SLIT3: variants seen among roughly 807,000 people sequenced by gnomAD.
SLIT3 encodes slit homolog 3 protein.
In SLIT3, 68 loss-of-function variants were observed where a neutral mutation model predicts 184.0. The observed-to-expected ratio is 0.37, with a 90% CI of 0.30 to 0.45. The LOEUF is 0.45. SLIT3 is among the 20% of genes least tolerant of loss of function. SLIT3 has a pLI of 1.00. For missense variants in SLIT3, 1,707 were observed against 2,026.0 expected, an observed-to-expected ratio of 0.84 and a Z score of 3.02; for synonymous variants, 831 against 828.6, an observed-to-expected ratio of 1.00 and a Z score of -0.05.
chr5:168,796,880 C>G (rs1204568548), intron 9 of SLIT3, among the ~76,000 whole-genome samples: 2 of 152,042 alleles, frequency 1.3e-5, no homozygotes, highest in Non-Finnish European at 2.9e-5. Context: ...CAGGCCAACC[C>G]ATAACACAGA....
chr5:168,734,758 C>G (rs891424529), intron 20 of SLIT3, among the ~76,000 whole-genome samples: 5 of 152,136 alleles, frequency 3.3e-5, no homozygotes, highest in Non-Finnish European at 5.9e-5. Flanking sequence ...TTAATGTGGG[C>G]AGAATCATGT....
At chr5:169,145,315 G>A (rs1018049554) in intron 4 of SLIT3, among the ~76,000 whole-genome samples, 19 of 152,168 alleles carry the variant, frequency 1.2e-4, no homozygotes, top group African/African-American at 4.6e-4. Flanking sequence ...ATGCCCACTA[G>A]GTCTGCTGAG....
At chr5:168,915,034 C>T (rs1761388480) in intron 4 of SLIT3, among the ~76,000 whole-genome samples, 1 of 152,044 alleles carries the variant, frequency 6.6e-6, no homozygotes, top group Non-Finnish European at 1.5e-5. Flanking sequence ...AATGTGAAAG[C>T]AGGCAATACG....
At position 169,033,019 on chromosome 5, in the gene SLIT3, T is replaced by C. The variant is rs549441948; in HGVS notation, c.414-149683A>G. Among the ~76,000 whole-genome samples the C allele has an allele frequency of 3.1e-4, 45 of 142,986 alleles. 1 individual carries two copies. The highest frequency in any genetic ancestry group is 1.1e-3 in the African/African-American group (43 of 39,268). 93.8% of individuals were successfully genotyped at this position (142,986 alleles called of 152,430 possible). A position where few individuals can be genotyped will look rare whatever the true frequency, so the allele number is the denominator to read the frequency against. ...AAATATAGCACAGTTTTCTTACCCA[T>C]AGTCTTCCGGTTGTACATTAGGTCT... On this transcript the variant is annotated intron_variant, in intron 4 of 35. Coordinates refer to ENST00000519560, the MANE Select transcript of SLIT3 (RefSeq NM_003062.4).
chr5:168,760,217 G>T (rs1755098061), intron 16 of SLIT3, among the ~76,000 whole-genome samples: 1 of 152,230 alleles, frequency 6.6e-6, no homozygotes, highest in African/African-American at 2.4e-5. Context: ...CTCAGGACAA[G>T]GACTCTACTG....
chr5:169,222,375 A>T (rs1440759155), intron 3 of SLIT3, among the ~76,000 whole-genome samples: 2 of 152,194 alleles, frequency 1.3e-5, no homozygotes, highest in Non-Finnish European at 2.9e-5. Flanking sequence ...GAAAATAATG[A>T]CTCAGAAGTC....
intron 4 of SLIT3, among the ~76,000 whole-genome samples, chr5:169,157,376 A>T (rs1762345474): frequency 6.6e-6 from 1 of 152,186 alleles, no homozygotes. Context: ...GCCATGTGGG[A>T]AACAGTAATA....
intron 15 of SLIT3, among the ~76,000 whole-genome samples, chr5:168,761,921 A>AATTTT (rs1554139194): frequency 2.7e-5 from 3 of 110,472 alleles, no homozygotes; most frequent in African/African-American, 7.2e-5. Context: ...AAAAAAAAAA[A>AATTTT]TTTTTTTTTT....
At chr5:168,876,619 T>C (rs1158687777) in intron 5 of SLIT3, among the ~76,000 whole-genome samples, 1 of 152,250 alleles carries the variant, frequency 6.6e-6, no homozygotes, top group East Asian at 1.9e-4. Flanking sequence ...CTATGCATCC[T>C]TCAAGACCCA....
chr5:169,217,442 G>C (rs946501711), intron 3 of SLIT3, among the ~76,000 whole-genome samples: 1 of 152,168 alleles, frequency 6.6e-6, no homozygotes, highest in Non-Finnish European at 1.5e-5. Context: ...GAGGGATTGG[G>C]ACCCCAGTGT....
At chr5:168,935,977 A>G (rs1248129369) in intron 4 of SLIT3, among the ~76,000 whole-genome samples, 1 of 152,250 alleles carries the variant, frequency 6.6e-6, no homozygotes, top group Non-Finnish European at 1.5e-5. Flanking sequence ...GCAAATTTCA[A>G]ACAATGCAAC....
rs1159988527 is a variant in SLIT3, at chr5:169,092,309, C to T, written c.413+101170G>A. Among the ~76,000 whole-genome samples the T allele has an allele frequency of 2.0e-5, 3 of 152,180 alleles. No homozygotes were observed. In the East Asian group the frequency reaches 5.8e-4, roughly 29 times the overall value. ...TGAAGGAGAGGAGCTGTGGCCATTG[C>T]TAGGGACCAAGGATGGTGAGTAAAT... On this transcript the variant is annotated intron_variant, in intron 4 of 35. Coordinates refer to ENST00000519560, the MANE Select transcript of SLIT3 (RefSeq NM_003062.4).
intron 15 of SLIT3, among the ~76,000 whole-genome samples, chr5:168,762,185 A>G (rs1212573083): frequency 6.6e-6 from 1 of 151,940 alleles, no homozygotes; most frequent in African/African-American, 2.4e-5. Flanking sequence ...TCACTTCACT[A>G]CCATTCTTCA....
chr5:168,964,193 T>C (rs1395979217), intron 4 of SLIT3, among the ~76,000 whole-genome samples: 1 of 152,262 alleles, frequency 6.6e-6, no homozygotes, highest in African/African-American at 2.4e-5. Flanking sequence ...AAAACACTTC[T>C]GTAGCACAAT....
chr5:169,024,969 T>G (rs1756756555), intron 4 of SLIT3: 1 of 152,214 alleles, frequency 6.6e-6, no homozygotes, highest in African/African-American at 2.4e-5. Flanking sequence ...TTTGCAAAAT[T>G]AAATTACTTC....
In SLIT3 at chr5:168,949,608, G is replaced by GT. The variant is rs113931365; in HGVS notation, c.414-66273dup. Among the ~76,000 whole-genome samples, 398 of 151,968 alleles carry GT rather than the reference G, an allele frequency of 2.6e-3. 2 individuals are homozygous for GT. Among genetic ancestry groups the GT allele is most frequent in the Admixed American group, 2.9e-3 (45 of 15,278 alleles). On this transcript the variant is annotated intron_variant, in intron 4 of 35. Transcript: ENST00000519560. Reference sequence around the variant, plus strand: ...ACAGTAAAAATGAATTTTTTGTCTTGTTTTTTTTGAGGCAGGGGCTCGCTG... The same window carrying GT: ...ACAGTAAAAATGAATTTTTTGTCTTGTTTTTTTTTGAGGCAGGGGCTCGCTG...
chr5:168,917,327 A>G (rs1761475167), intron 4 of SLIT3, among the ~76,000 whole-genome samples: 1 of 151,994 alleles, frequency 6.6e-6, no homozygotes, highest in Admixed American at 6.6e-5. Context: ...ACGGCTCTGA[A>G]CCCTTCCTGC....
At chr5:169,287,592 G>A (rs1446375821) in intron 1 of SLIT3, among the ~76,000 whole-genome samples, 1 of 152,166 alleles carries the variant, frequency 6.6e-6, no homozygotes, top group Non-Finnish European at 1.5e-5. Context: ...TGGGGAGGGA[G>A]TAGACCAGAT....
chr5:169,038,306 T>A (rs1254325640), intron 4 of SLIT3, among the ~76,000 whole-genome samples: 1 of 152,228 alleles, frequency 6.6e-6, no homozygotes. Context: ...ATCTTCTCAA[T>A]ATGGAACTGC....
Sources: allele counts gnomAD v4.1 joint callset (sites outside exome capture counted in the v4.1 genomes callset), GRCh38; gene constraint gnomAD v4.1.1; transcripts MANE v1.5; gene names NCBI Gene and HGNC (gene_info 2026-07-23, HGNC 2026-07-21).